Variants in SLC4A4 observed in about 807,000 individuals in gnomAD.
The protein encoded by SLC4A4 is solute carrier family 4 member 4.
Under a neutral mutation model 111.5 loss-of-function variants are expected in SLC4A4, and 27 were observed. The observed-to-expected ratio is 0.24, with a 90% CI of 0.18 to 0.33. The LOEUF (loss-of-function observed/expected upper bound fraction) is 0.33. Ranked by LOEUF, SLC4A4 falls within the 10% of genes least tolerant of loss-of-function variation. SLC4A4 has a pLI of 1.00. For synonymous variants in SLC4A4, 443 were observed against 463.4 expected (o/e 0.96, Z 0.57); for missense variants, 909 against 1,315.5 (o/e 0.69, Z 4.78).
Position 71,472,719 on chromosome 4 carries a change from T to G in SLC4A4, c.1652T>G (p.Leu551Trp). 6.2e-7 allele frequency: 1 copy of G among 1,612,888 alleles called. No homozygotes were observed. Among genetic ancestry groups the G allele is most frequent in the Non-Finnish European group, 8.5e-7 (1 of 1,179,266 alleles). The change falls in exon 14 of 26, where the codon TTG (leucine) becomes TGG (tryptophan). Residue 551 changes from leucine (L) to tryptophan (W), a missense_variant. Physicochemically the swap from Leu to Trp is moderately conservative, Grantham distance 61. Around this residue, in one of 7 missense-constraint regions of SLC4A4, gnomAD observed 264 missense variants for 356.8 expected, o/e 0.74. Transcript: ENST00000264485. ...NFSKDNNFDY[L>W]EFRLWIGLWS... ...TCCAGGGACAATAATTTTGACTATT[T>G]GGAGTTTCGCCTTTGGATTGGCCTG...
intron 3 of SLC4A4, among the ~76,000 whole-genome samples, chr4:71,257,279 G>C (rs574736285): frequency 6.6e-5 from 10 of 152,286 alleles, no homozygotes; most frequent in African/African-American, 1.4e-4. Flanking sequence ...CCTATGGAGA[G>C]ACAGTTGTTA....
chr4:71,364,552 A>G (rs1184848445), intron 6 of SLC4A4, among the ~76,000 whole-genome samples: 1 of 152,150 alleles, frequency 6.6e-6, no homozygotes, highest in Non-Finnish European at 1.5e-5. Context: ...TTCCTCATAG[A>G]TGGTGCGTTC....
intron 1 of SLC4A4, among the ~76,000 whole-genome samples, chr4:71,224,516 G>T (rs1396199103): frequency 6.6e-6 from 1 of 152,164 alleles, no homozygotes; most frequent in Non-Finnish European, 1.5e-5. Context: ...TTTCAGATAT[G>T]ATGGTGATAA....
chr4:71,075,168 G>A (rs1467781707), intron 1 of SLC4A4, among the ~76,000 whole-genome samples: 2 of 152,174 alleles, frequency 1.3e-5, no homozygotes, highest in African/African-American at 2.4e-5. Flanking sequence ...AGGAAATCAC[G>A]AATGTCAGCC....
At chr4:71,175,721 C>A (rs1407554887) in intron 2 of SLC4A4, among the ~76,000 whole-genome samples, 1 of 152,098 alleles carries the variant, frequency 6.6e-6, no homozygotes, top group Non-Finnish European at 1.5e-5. Context: ...TCAAGGAGGC[C>A]TGCCTGCCTC....
intron 2 of SLC4A4, among the ~76,000 whole-genome samples, chr4:71,150,002 GTACACGATTAGGT>G (rs1744272592): frequency 6.6e-6 from 1 of 151,902 alleles, no homozygotes; most frequent in African/African-American, 2.4e-5. Context: ...AGGCTCAAGG[GTACACGATTAGGT>G]TTTTTATATA....
At chr4:71,403,044 G>A (rs967260648) in intron 7 of SLC4A4, among the ~76,000 whole-genome samples, 2 of 152,082 alleles carry the variant, frequency 1.3e-5, no homozygotes, top group East Asian at 1.9e-4. Context: ...TTGCATCTCC[G>A]CATTTATTAA....
At position 71,088,572 on chromosome 4, in the gene SLC4A4, C is replaced by T. The variant is rs892788062; in HGVS notation, c.-64-4158C>T. Among the ~76,000 whole-genome samples the T allele has an allele frequency of 3.3e-5, 5 of 152,008 alleles. No individual in the cohort carries two copies. In the South Asian group the frequency reaches 8.3e-4, roughly 25 times the overall value. On this transcript the variant is annotated intron_variant, in intron 1 of 26. Coordinates refer to the SLC4A4 transcript ENST00000649996. ...TGTTCCTTTCCATGTTTAGTGCTTC[C>T]TTCAGGAGCTCTTTTTGGGCAGACT...
At chr4:71,153,443 G>A (rs956433288) in intron 2 of SLC4A4, among the ~76,000 whole-genome samples, 7 of 152,056 alleles carry the variant, frequency 4.6e-5, no homozygotes, top group African/African-American at 1.7e-4. Flanking sequence ...AAGTACTAGG[G>A]AGTGACGAAA....
intron 3 of SLC4A4, among the ~76,000 whole-genome samples, chr4:71,269,429 C>G (rs1005388206): frequency 2.0e-5 from 3 of 152,202 alleles, no homozygotes; most frequent in African/African-American, 7.2e-5. Flanking sequence ...TCTGAACGGG[C>G]TTTTCCCGTT....
chr4:71,424,061 A>G (rs759561634), intron 7 of SLC4A4, among the ~76,000 whole-genome samples: 1 of 152,148 alleles, frequency 6.6e-6, no homozygotes, highest in Admixed American at 6.6e-5. Flanking sequence ...GGCAACCCAC[A>G]AAATGGGGGA....
chr4:71,448,306 C>T (rs1273499986), intron 9 of SLC4A4, among the ~76,000 whole-genome samples: 3 of 121,030 alleles, frequency 2.5e-5, no homozygotes, highest in Non-Finnish European at 3.3e-5. Flanking sequence ...GGCAACAGAG[C>T]GAGATTCCAT....
chr4:71,126,445 G>C (rs1400221689), intron 2 of SLC4A4, among the ~76,000 whole-genome samples: 1 of 152,112 alleles, frequency 6.6e-6, no homozygotes, highest in Non-Finnish European at 1.5e-5. Flanking sequence ...TGTATGCCAT[G>C]TTATTTAGAA....
chr4:71,105,788 C>T (rs1742898683), intron 2 of SLC4A4, among the ~76,000 whole-genome samples: 1 of 116,490 alleles, frequency 8.6e-6, no homozygotes, highest in African/African-American at 3.2e-5. Flanking sequence ...GGATTAAAGA[C>T]TTAAACATTA....
chr4:71,297,747 C>T (rs1183109314), intron 3 of SLC4A4, among the ~76,000 whole-genome samples: 1 of 151,966 alleles, frequency 6.6e-6, no homozygotes, highest in African/African-American at 2.4e-5. Flanking sequence ...GCCACCACCC[C>T]TGGCTAATTT....
rs72854458 is a variant in SLC4A4 at position 71,564,143 on chromosome 4, G to T, written c.3196+254G>T. On this transcript the variant is annotated intron_variant, in intron 24 of 25. Coordinates refer to ENST00000264485, the MANE Select transcript of SLC4A4 (RefSeq NM_001098484.3). ...CCAAATCATCCCCAGTTTTTCCAATGGCTAAATTAATAACCATGTTTTTAA... is the reference window on the plus strand; with the variant it reads ...CCAAATCATCCCCAGTTTTTCCAATTGCTAAATTAATAACCATGTTTTTAA... Among the ~76,000 whole-genome samples the T allele has an allele frequency of 5.8e-3, 886 of 151,642 alleles. 11 individuals carry two copies. The highest frequency in any genetic ancestry group is 0.02 in the African/African-American group (827 of 41,416).
At chr4:71,541,823 T>C (rs760155227) in intron 18 of SLC4A4, among the ~76,000 whole-genome samples, 1 of 152,014 alleles carries the variant, frequency 6.6e-6, no homozygotes, top group Non-Finnish European at 1.5e-5. Flanking sequence ...AAAAAGGTAA[T>C]GGCAGTGGGG....
chr4:71,524,696 T>C (rs775278694), intron 16 of SLC4A4, among the ~76,000 whole-genome samples: 3 of 152,124 alleles, frequency 2.0e-5, no homozygotes, highest in Non-Finnish European at 4.4e-5. Context: ...TGGGGGGTCA[T>C]ATTTCAAACT....
At chr4:71,561,643 G>T (rs1453910862) in intron 23 of SLC4A4, among the ~76,000 whole-genome samples, 1 of 151,814 alleles carries the variant, frequency 6.6e-6, no homozygotes, top group Admixed American at 6.6e-5. Context: ...TCATCCATCT[G>T]CAATGAGAAC....
Sources: gnomAD v4.1 joint callset for allele counts (sites outside exome capture counted in the v4.1 genomes callset) on GRCh38, gnomAD v4.1.1 for gene constraint, gnomAD v4.1.1 regional missense constraint, MANE v1.5 for transcripts, NCBI Gene and HGNC (gene_info 2026-07-23, HGNC 2026-07-21) for gene names.